The following MTHFD1 variants were observed in gnomAD, a reference collection of about 807,000 sequenced individuals.
The protein encoded by MTHFD1 is methylenetetrahydrofolate dehydrogenase, cyclohydrolase and formyltetrahydrofolate synthetase 1, also known as C-1-tetrahydrofolate synthase, cytoplasmic.
A neutral mutation model predicts 110.3 loss-of-function variants in MTHFD1; 44 were observed. The ratio of observed to expected loss-of-function variants is 0.40; its 90% CI spans 0.31 to 0.51. The LOEUF is 0.51. Ranked by LOEUF, MTHFD1 falls within the 20% of genes least tolerant of loss-of-function variation. The pLI is 0.60. For missense variants in MTHFD1, 909 were observed against 1,173.1 expected (o/e 0.77, Z 3.29); for synonymous variants, 402 against 428.8 (o/e 0.94, Z 0.77).
At chr14:64,397,191 A>ATATAT (rs1491535191) in intron 1 of MTHFD1, among the ~76,000 whole-genome samples, 2 of 3,964 alleles carry the variant, frequency 5.0e-4, no homozygotes, top group African/African-American at 1.2e-3. Flanking sequence ...ATATATATAT[A>ATATAT]AAAAACAGTA....
intron 13 of MTHFD1, among the ~76,000 whole-genome samples, chr14:64,430,495 A>G (rs2078149608): frequency 6.7e-6 from 1 of 149,828 alleles, no homozygotes; most frequent in African/African-American, 2.5e-5. Context: ...ACGGGGTTTC[A>G]CCGTGTTGGC....
chr14:64,411,041 C>A, intron 2 of MTHFD1, 49 bp from the exon 3 acceptor site: 1 of 1,242,236 alleles, frequency 8.1e-7, no homozygotes, highest in Non-Finnish European at 1.2e-6. Context: ...CTTTTCTGTG[C>A]ACTTTGCCTT....
intron 8 of MTHFD1, among the ~76,000 whole-genome samples, chr14:64,421,953 TC>T (rs1430577049): frequency 1.3e-5 from 2 of 152,124 alleles, no homozygotes; most frequent in African/African-American, 4.8e-5. Context: ...CCTCGCATCT[TC>T]TGTATCATAT....
At chr14:64,437,290 G>A (rs2078213724) in intron 16 of MTHFD1, among the ~76,000 whole-genome samples, 2 of 151,984 alleles carry the variant, frequency 1.3e-5, no homozygotes, top group Admixed American at 1.3e-4. Context: ...CAATCTCTAA[G>A]ATGAAAAACT....
intron 27 of MTHFD1, chr14:64,458,516 A>AGC: frequency 3.4e-6 from 2 of 586,500 alleles, no homozygotes; most frequent in Non-Finnish European, 6.1e-6. Flanking sequence ...TTTTGGAAGA[A>AGC]GCGCAGCATG....
intron 24 of MTHFD1, 44 bp downstream of exon 24, chr14:64,449,666 G>C: frequency 1.9e-6 from 3 of 1,604,164 alleles, no homozygotes; most frequent in Non-Finnish European, 1.7e-6. Flanking sequence ...AGACGAAAAG[G>C]GCACAGTGAA....
chr14:64,429,778 ATCTATTTATC>A (rs1400835427), intron 12 of MTHFD1, among the ~76,000 whole-genome samples: 3 of 152,220 alleles, frequency 2.0e-5, no homozygotes, highest in Non-Finnish European at 4.4e-5. Flanking sequence ...TAACAGCCTA[ATCTATTTATC>A]TCTATTTAGG....
intron 2 of MTHFD1, among the ~76,000 whole-genome samples, chr14:64,410,761 T>C (rs2077977710): frequency 6.6e-6 from 1 of 152,172 alleles, no homozygotes; most frequent in Admixed American, 6.5e-5. Flanking sequence ...TACTCTGTTT[T>C]TCTGGTATGG....
intron 27 of MTHFD1, among the ~76,000 whole-genome samples, chr14:64,459,425 C>A (rs1338295694): frequency 6.6e-6 from 1 of 152,166 alleles, no homozygotes; most frequent in East Asian, 1.9e-4. Flanking sequence ...AACAAAAGCT[C>A]TTGCATTATT....
intron 24 of MTHFD1, among the ~76,000 whole-genome samples, chr14:64,452,664 AT>A (rs1257168845): frequency 6.6e-6 from 1 of 152,170 alleles, no homozygotes; most frequent in Non-Finnish European, 1.5e-5. Flanking sequence ...GTTTTTTCTA[AT>A]ACCTGGGTGA....
At chr14:64,400,714 G>A in intron 1 of MTHFD1, 79 bp from the exon 2 acceptor site, 1 of 933,946 alleles carries the variant, frequency 1.1e-6, no homozygotes, top group Non-Finnish European at 1.7e-6. Flanking sequence ...AAATAAAAGA[G>A]AAATACATCT....
At chr14:64,458,453 GTAA>G in intron 27 of MTHFD1, 146 bp downstream of exon 27, 1 of 706,346 alleles carries the variant, frequency 1.4e-6, no homozygotes, top group Non-Finnish European at 2.6e-6. Flanking sequence ...AGAGGGGATA[GTAA>G]TGAGAGTTGG....
intron 7 of MTHFD1, among the ~76,000 whole-genome samples, chr14:64,418,595 TGCCCAGGCTGGA>T (rs2078044837): frequency 6.6e-6 from 1 of 152,192 alleles, no homozygotes; most frequent in Non-Finnish European, 1.5e-5. Context: ...TCACTCTTGT[TGCCCAGGCTGGA>T]GTGCAATGGC....
intron 16 of MTHFD1, among the ~76,000 whole-genome samples, chr14:64,438,437 A>G (rs1032168347): frequency 6.6e-6 from 1 of 152,222 alleles, no homozygotes; most frequent in Non-Finnish European, 1.5e-5. Flanking sequence ...AAGGTCAAAT[A>G]TATTTCCTAT....
Position 64,454,799 on chromosome 14 carries a change from C to T in MTHFD1, c.2642C>T (p.Pro881Leu), listed in dbSNP as rs1199213356. Residue 881 changes from proline to leucine, a missense_variant, in exon 26 of 28, where the codon CCT becomes CTT. Pro to Leu is a moderately conservative substitution (Grantham distance 98). Coordinates refer to ENST00000652337, the MANE Select transcript of MTHFD1 (RefSeq NM_005956.4). ...LSHNPEQKGV[P>L]TGFILPIRDI... ...CACAACCCAGAGCAAAAAGGTGTCC[C>T]TACAGGCTTCATTCTGCCCATTCGC... 6.2e-7 allele frequency: 1 copy of T among 1,614,166 alleles called. No homozygotes were observed. The highest frequency in any genetic ancestry group is 8.5e-7 in the Non-Finnish European group (1 of 1,179,996).
intron 7 of MTHFD1, among the ~76,000 whole-genome samples, chr14:64,419,038 G>A (rs994663685): frequency 1.3e-5 from 2 of 151,934 alleles, no homozygotes; most frequent in African/African-American, 4.8e-5. Flanking sequence ...TAAGCTTTTT[G>A]TAGCGACAGG....
intron 12 of MTHFD1, 133 bp from the exon 13 acceptor site, chr14:64,430,051 C>A: frequency 2.4e-6 from 2 of 846,696 alleles, no homozygotes; most frequent in Non-Finnish European, 4.0e-6. Flanking sequence ...TTGATCAAAA[C>A]TGTCCAAATG....
At chr14:64,420,063 G>A in intron 8 of MTHFD1, 138 bp downstream of exon 8, 2 of 734,194 alleles carry the variant, frequency 2.7e-6, no homozygotes, top group East Asian at 5.4e-5. Flanking sequence ...GCCCAAGGGT[G>A]CACAGAGTTA....
chr14:64,448,417 T>A, intron 23 of MTHFD1, 100 bp downstream of exon 23: 2 of 938,660 alleles, frequency 2.1e-6, no homozygotes, highest in Non-Finnish European at 3.4e-6. Flanking sequence ...CAGTTACTGC[T>A]ATTGGTTATA....
Sources: allele counts gnomAD v4.1 joint callset (sites outside exome capture counted in the v4.1 genomes callset), GRCh38; gene constraint gnomAD v4.1.1; transcripts MANE v1.5; gene names NCBI Gene and HGNC (gene_info 2026-07-23, HGNC 2026-07-21).